PREX1: variants seen among roughly 807,000 people sequenced by gnomAD.
PREX1 encodes the protein phosphatidylinositol 3,4,5-trisphosphate-dependent Rac exchanger 1 protein.
PREX1 carries 41 observed loss-of-function variants against 198.3 expected under a neutral mutation model. The observed-to-expected ratio is 0.21, with a 90% CI of 0.16 to 0.27. The LOEUF (loss-of-function observed/expected upper bound fraction) is 0.27. PREX1 is among the 10% of genes least tolerant of loss of function. The probability of loss-of-function intolerance (pLI) is 1.00; values close to 1 mark genes in which losing one functional copy is unlikely to be tolerated. For missense variants in PREX1, 1,620 were observed against 2,200.7 expected (o/e 0.74, Z 5.28); for synonymous variants, 843 against 887.2 (o/e 0.95, Z 0.89).
At chr20:48,847,364 TAA>T in the PREX1 span, among the ~76,000 whole-genome samples, 35 of 77,212 alleles carry the variant, frequency 4.5e-4, no homozygotes, top group Admixed American at 5.5e-4. Context: ...CCTTCTCTTA[TAA>T]AAAAAAAAAA....
chr20:48,640,105 C>T (rs1488249967), intron 29 of PREX1, among the ~76,000 whole-genome samples: 1 of 152,208 alleles, frequency 6.6e-6, no homozygotes, highest in Non-Finnish European at 1.5e-5. Context: ...TCATCAATCT[C>T]AGCACTCCTT....
chr20:48,703,495 G>A (rs7268357), intron 6 of PREX1, among the ~76,000 whole-genome samples: 48,240 of 152,076 alleles, frequency 0.32, 10,672 homozygotes, highest in African/African-American at 0.63. Context: ...AACTCCCTGG[G>A]GCTTCATCAT....
At chr20:48,775,170 G>T (rs1229170114) in intron 1 of PREX1, among the ~76,000 whole-genome samples, 1 of 152,198 alleles carries the variant, frequency 6.6e-6, no homozygotes, top group African/African-American at 2.4e-5. Context: ...GACAGGCACT[G>T]CTGTAGGCCC....
chr20:48,885,691 A>T, the PREX1 span, among the ~76,000 whole-genome samples: 1 of 132,632 alleles, frequency 7.5e-6, no homozygotes, highest in Non-Finnish European at 1.6e-5. Context: ...ATAAACTGTG[A>T]CACCTTCAGA....
At chr20:48,850,707 G>C in the PREX1 span, among the ~76,000 whole-genome samples, 1 of 152,148 alleles carries the variant, frequency 6.6e-6, no homozygotes. Context: ...AGGGGAGCTG[G>C]GACTGGAATG....
At chr20:48,669,730 CTG>C (rs1418978273) in intron 14 of PREX1, among the ~76,000 whole-genome samples, 1 of 152,196 alleles carries the variant, frequency 6.6e-6, no homozygotes, top group Non-Finnish European at 1.5e-5. Context: ...ATGAGACACT[CTG>C]TGCAAGACCC....
chr20:48,642,581 A>G (rs947169855), intron 27 of PREX1, 92 bp from the exon 28 acceptor site: 1 of 1,161,742 alleles, frequency 8.6e-7, no homozygotes. Flanking sequence ...ACAGCTACAG[A>G]ACTCCAAACC....
At chr20:48,635,670 C>T (rs948670039) in intron 32 of PREX1, among the ~76,000 whole-genome samples, 1 of 152,222 alleles carries the variant, frequency 6.6e-6, no homozygotes, top group Non-Finnish European at 1.5e-5. Context: ...CTGCAGTGCC[C>T]GCCAAGCTTC....
chr20:48,863,362 G>T, the PREX1 span, among the ~76,000 whole-genome samples: 1 of 152,070 alleles, frequency 6.6e-6, no homozygotes, highest in African/African-American at 2.4e-5. Context: ...CTTGGCAAAT[G>T]TATGACATGC....
intron 1 of PREX1, among the ~76,000 whole-genome samples, chr20:48,778,344 C>T (rs762084256): frequency 5.3e-5 from 8 of 150,188 alleles, no homozygotes; most frequent in African/African-American, 9.8e-5. Flanking sequence ...GAGGCCAAGG[C>T]GGGCAGATCA....
intron 1 of PREX1, among the ~76,000 whole-genome samples, chr20:48,794,129 C>A (rs891915755): frequency 6.6e-6 from 1 of 152,178 alleles, no homozygotes; most frequent in Non-Finnish European, 1.5e-5. Context: ...GAGCAGCAGG[C>A]TCTCACTGAG....
At chr20:48,646,470 G>A (rs1010725097) in intron 25 of PREX1, among the ~76,000 whole-genome samples, 3 of 151,966 alleles carry the variant, frequency 2.0e-5, no homozygotes, top group African/African-American at 7.3e-5. Flanking sequence ...ATCACCTGAG[G>A]TCAGGAGTTT....
At chr20:48,838,871 C>G in the PREX1 span, among the ~76,000 whole-genome samples, 1 of 151,348 alleles carries the variant, frequency 6.6e-6, no homozygotes, top group Non-Finnish European at 1.5e-5. Context: ...ACTAAAAATA[C>G]AAAAATTAGC....
At chr20:48,672,690 C>G (rs1211725923) in intron 14 of PREX1, among the ~76,000 whole-genome samples, 2 of 152,246 alleles carry the variant, frequency 1.3e-5, no homozygotes, top group African/African-American at 4.8e-5. Flanking sequence ...GCTGCTGCTC[C>G]CCAGATGTGG....
chr20:48,757,817 T>C (rs906111001), intron 1 of PREX1, among the ~76,000 whole-genome samples: 2 of 152,220 alleles, frequency 1.3e-5, no homozygotes, highest in African/African-American at 4.8e-5. Context: ...CTTGGACCTA[T>C]AGAAATGTTG....
At position 48,720,675 on chromosome 20, in the gene PREX1, G is replaced by A. The variant is rs567696532; in HGVS notation, c.621+5615C>T. The stretch of plus-strand genomic sequence containing the variant: ...TTCTGGAAAGCTATGAGTAGTATAC[G>A]TCCATGCTCCGGGAAACACGTCACT... On this transcript the variant is annotated intron_variant, in intron 5 of 39. Coordinates refer to ENST00000371941, the MANE Select transcript of PREX1 (RefSeq NM_020820.4). Among the ~76,000 whole-genome samples, 3 of 151,944 alleles carry A rather than the reference G, an allele frequency of 2.0e-5. No homozygotes were observed. In the East Asian group the frequency reaches 5.8e-4, roughly 29 times the overall value.
At chr20:48,881,386 T>G in the PREX1 span, among the ~76,000 whole-genome samples, 1 of 152,346 alleles carries the variant, frequency 6.6e-6, no homozygotes, top group Non-Finnish European at 1.5e-5. Context: ...CAGGTGGTTT[T>G]TATCATAACT....
chr20:48,759,031 C>A (rs951481859), intron 1 of PREX1, among the ~76,000 whole-genome samples: 1 of 152,114 alleles, frequency 6.6e-6, no homozygotes, highest in Non-Finnish European at 1.5e-5. Context: ...CCCTTAGAAA[C>A]TCTCTCTACT....
intron 6 of PREX1, among the ~76,000 whole-genome samples, chr20:48,703,181 T>C (rs929018199): frequency 5.3e-5 from 8 of 152,228 alleles, no homozygotes; most frequent in Non-Finnish European, 1.0e-4. Flanking sequence ...TCGCTGCTGT[T>C]AGGGCTGGTC....
Sources: allele counts gnomAD v4.1 joint callset (sites outside exome capture counted in the v4.1 genomes callset), GRCh38; gene constraint gnomAD v4.1.1; transcripts MANE v1.5; gene names NCBI Gene and HGNC (gene_info 2026-07-23, HGNC 2026-07-21).